The following SRPK2 variants were observed in gnomAD, a reference collection of about 807,000 sequenced individuals.
SRPK2 encodes SRSF protein kinase 2.
In SRPK2, 21 loss-of-function variants were observed where a neutral mutation model predicts 90.8. That is an observed-to-expected ratio of 0.23 (90% CI 0.16 to 0.33). SRPK2 has a LOEUF of 0.33. Among genes scored for constraint, SRPK2 ranks in the 10% least tolerant of loss-of-function variants. The pLI, the probability that SRPK2 is intolerant of heterozygous loss-of-function variation, is 1.00. For missense variants in SRPK2, 620 were observed against 869.0 expected, an observed-to-expected ratio of 0.71 and a Z score of 3.60; for synonymous variants, 288 against 311.1, an observed-to-expected ratio of 0.93 and a Z score of 0.78.
chr7:105,183,098 A>C (rs1793096864), intron 3 of SRPK2, among the ~76,000 whole-genome samples: 1 of 152,242 alleles, frequency 6.6e-6, no homozygotes, highest in Admixed American at 6.5e-5. Flanking sequence ...ACATTTACAA[A>C]GCTGGAATCA....
intron 13 of SRPK2, among the ~76,000 whole-genome samples, chr7:105,129,173 A>G (rs1053848665): frequency 6.6e-6 from 1 of 151,882 alleles, no homozygotes; most frequent in Admixed American, 6.6e-5. Flanking sequence ...TGACCTCGTG[A>G]CCCGCCTGCC....
intron 2 of SRPK2, among the ~76,000 whole-genome samples, chr7:105,258,417 CA>C (rs33941320): frequency 0.17 from 20,490 of 121,196 alleles, 1,533 homozygotes; most frequent in East Asian, 0.5. Context: ...AACTCGGTCT[CA>C]AAAAAAAAAA....
intron 2 of SRPK2, among the ~76,000 whole-genome samples, chr7:105,320,078 T>C (rs1451772303): frequency 6.6e-6 from 1 of 152,224 alleles, no homozygotes; most frequent in Non-Finnish European, 1.5e-5. Context: ...TTATTAAATC[T>C]TCACACAGTT....
chr7:105,392,461 A>T (rs1822204316), upstream of SRPK2, among the ~76,000 whole-genome samples: 1 of 152,218 alleles, frequency 6.6e-6, no homozygotes, highest in Non-Finnish European at 1.5e-5. Context: ...GCATCCATTG[A>T]TGATTCTTGC....
At chr7:105,195,091 C>T (rs1279090201) in intron 3 of SRPK2, among the ~76,000 whole-genome samples, 1 of 152,156 alleles carries the variant, frequency 6.6e-6, no homozygotes, top group Admixed American at 6.5e-5. Flanking sequence ...GTTCTATCGC[C>T]CAGGCTGGAG....
At chr7:105,115,863 T>C (rs1201078476), downstream of SRPK2, among the ~76,000 whole-genome samples, 1 of 152,186 alleles carries the variant, frequency 6.6e-6, no homozygotes, top group Non-Finnish European at 1.5e-5. Flanking sequence ...CCTATGGTTC[T>C]TGTAAGGATG....
chr7:105,121,563 TCACA>T (rs900283812), intron 15 of SRPK2, among the ~76,000 whole-genome samples: 4 of 152,020 alleles, frequency 2.6e-5, no homozygotes, highest in Non-Finnish European at 4.4e-5. Context: ...CAGTATCAAC[TCACA>T]CACACACAAG....
Position 105,126,298 on chromosome 7 carries a change from C to G in SRPK2, c.1865G>C (p.Arg622Thr), listed in dbSNP as rs748014836. 6.2e-7 allele frequency: 1 copy of G among 1,613,912 alleles called. No individual in the cohort carries two copies. The highest frequency in any genetic ancestry group is 8.5e-7 in the Non-Finnish European group (1 of 1,180,002). Residue 622 changes from arginine (R) to threonine (T), a missense_variant, in exon 15 of 16, where the codon AGG becomes ACG. Physicochemically the swap from Arg to Thr is moderately conservative, Grantham distance 71. Transcript: ENST00000393651. Reference sequence around the variant, plus strand: ...ATATTTTCCAGATAGAGCAAAGTGCCTTGGAATACTGCCTAGCAGCTCTAT... The same window carrying G: ...ATATTTTCCAGATAGAGCAAAGTGCGTTGGAATACTGCCTAGCAGCTCTAT... ...HIIELLGSIP[R>T]HFALSGKYSR...
intron 2 of SRPK2, among the ~76,000 whole-genome samples, chr7:105,226,042 A>G (rs1798665697): frequency 6.6e-6 from 1 of 152,226 alleles, no homozygotes; most frequent in South Asian, 2.1e-4. Flanking sequence ...TGCTAATAAA[A>G]TTATCTTTAA....
At chr7:105,130,413 G>A (rs2129574617) in intron 13 of SRPK2, among the ~76,000 whole-genome samples, 1 of 152,174 alleles carries the variant, frequency 6.6e-6, no homozygotes, top group African/African-American at 2.4e-5. Context: ...AGCCAGGCGT[G>A]GTGGCATGTG....
chr7:105,149,300 C>A (rs536849690), intron 7 of SRPK2, among the ~76,000 whole-genome samples: 2 of 152,312 alleles, frequency 1.3e-5, no homozygotes, highest in South Asian at 4.1e-4. Flanking sequence ...CTTTACTCCA[C>A]TAAGATGTTT....
intron 2 of SRPK2, among the ~76,000 whole-genome samples, chr7:105,226,306 AAC>A (rs1798704724): frequency 6.6e-6 from 1 of 151,556 alleles, no homozygotes; most frequent in African/African-American, 2.4e-5. Flanking sequence ...TTTTTTTTTT[AAC>A]AGAGTCTCAC....
At position 105,249,004 on chromosome 7, in the gene SRPK2, C is replaced by T. The variant is rs182600236; in HGVS notation, c.72-45219G>A. Among the ~76,000 whole-genome samples, 256 of 152,208 alleles carry T rather than the reference C, an allele frequency of 1.7e-3. 1 individual carries two copies. Among genetic ancestry groups the T allele is most frequent in the African/African-American group, 5.6e-3 (232 of 41,538 alleles). ...AAAATAACAAAACTGTCAATTCTGT[C>T]CACGTGTGCTAGTTGTGTCTGTTCT... On this transcript the variant is annotated intron_variant, in intron 2 of 15. Transcript: ENST00000393651.
intron 1 of SRPK2, among the ~76,000 whole-genome samples, chr7:105,394,595 A>G (rs952025604): frequency 6.6e-6 from 1 of 152,266 alleles, no homozygotes; most frequent in African/African-American, 2.4e-5. Flanking sequence ...TCGATAATCA[A>G]ATAAGATAAA....
Position 105,384,752 on chromosome 7 carries a change from A to T in SRPK2, c.71+3896T>A, listed in dbSNP as rs142842417. ...CCCTGAAAATACTAGTCTCCTGGAG[A>T]TTCTTTTACCACTTCTCAGGTGCCA... On this transcript the variant is annotated intron_variant, in intron 2 of 15. Coordinates refer to ENST00000393651, the MANE Select transcript of SRPK2 (RefSeq NM_182692.3). 2.1e-4 allele frequency among the ~76,000 whole-genome samples: 32 copies of T among 152,152 alleles called. 2 individuals carry two copies. Among genetic ancestry groups the T allele is most frequent in the African/African-American group, 7.2e-4 (30 of 41,510 alleles).
upstream of SRPK2, among the ~76,000 whole-genome samples, chr7:105,393,152 C>CACCA (rs1479679326): frequency 6.6e-6 from 1 of 152,046 alleles, no homozygotes; most frequent in Admixed American, 6.6e-5. Flanking sequence ...CGCCACCACT[C>CACCA]CCGGCTAATT....
At chr7:105,361,380 G>A (rs796855434) in intron 2 of SRPK2, among the ~76,000 whole-genome samples, 83 of 152,216 alleles carry the variant, frequency 5.5e-4, no homozygotes, top group African/African-American at 1.9e-3. Context: ...AATCAATATC[G>A]TGAAAATGGC....
chr7:105,266,886 T>C (rs985099085), intron 2 of SRPK2, among the ~76,000 whole-genome samples: 32 of 152,268 alleles, frequency 2.1e-4, no homozygotes, highest in Admixed American at 1.3e-3. Flanking sequence ...TAATAAAAAG[T>C]AGGGGCAAGG....
chr7:105,134,025 C>T (rs1802421108), intron 11 of SRPK2, among the ~76,000 whole-genome samples: 2 of 152,256 alleles, frequency 1.3e-5, no homozygotes, highest in Middle Eastern at 3.4e-3. Context: ...CATCACCAAA[C>T]CTCAGACTGA....
Sources: allele counts gnomAD v4.1 joint callset (sites outside exome capture counted in the v4.1 genomes callset), GRCh38; gene constraint gnomAD v4.1.1; transcripts MANE v1.5; gene names NCBI Gene and HGNC (gene_info 2026-07-23, HGNC 2026-07-21).